Variants in RFTN1 observed in about 807,000 individuals in gnomAD.
RFTN1 encodes raftlin, lipid raft linker 1.
Under a neutral mutation model 46.5 loss-of-function variants are expected in RFTN1, and 26 were observed. The observed-to-expected ratio is 0.56, with a 90% CI of 0.41 to 0.78. The LOEUF (loss-of-function observed/expected upper bound fraction) is 0.78. RFTN1 is among the 30% of genes least tolerant of loss of function. The pLI, the probability that RFTN1 is intolerant of heterozygous loss-of-function variation, is 0.00. For synonymous variants in RFTN1, 261 were observed against 284.2 expected (o/e 0.92, Z 0.82); for missense variants, 693 against 718.7 (o/e 0.96, Z 0.41).
chr3:16,502,767 C>T (rs1178411321), intron 1 of RFTN1, among the ~76,000 whole-genome samples: 2 of 152,216 alleles, frequency 1.3e-5, no homozygotes, highest in Non-Finnish European at 2.9e-5. Flanking sequence ...CGGCCAACAT[C>T]CTCACTGCAA....
chr3:16,497,947 G>A (rs1369087608), intron 1 of RFTN1, among the ~76,000 whole-genome samples: 1 of 152,086 alleles, frequency 6.6e-6, no homozygotes, highest in Admixed American at 6.5e-5. Flanking sequence ...AAAGGGTTGG[G>A]GTGGGGATCA....
At chr3:16,331,310 A>G (rs1292191424) in intron 7 of RFTN1, among the ~76,000 whole-genome samples, 3 of 152,220 alleles carry the variant, frequency 2.0e-5, no homozygotes, top group East Asian at 3.8e-4. Flanking sequence ...TAGGTATCCT[A>G]ATTTTCTACC....
At chr3:16,331,287 T>C (rs1382628909) in intron 7 of RFTN1, among the ~76,000 whole-genome samples, 2 of 152,272 alleles carry the variant, frequency 1.3e-5, no homozygotes, top group African/African-American at 4.8e-5. Flanking sequence ...ACTCTTATTT[T>C]ACTTATCAGT....
chr3:16,373,081 A>G lies in RFTN1; in HGVS notation c.827-2802T>C, dbSNP rs551503981. Among the ~76,000 whole-genome samples, 5 of 152,362 alleles carry G rather than the reference A, an allele frequency of 3.3e-5. No homozygotes were observed. In the South Asian group the frequency reaches 8.3e-4, roughly 25 times the overall value. On this transcript the variant is annotated intron_variant, in intron 5 of 9. Transcript: ENST00000334133. ...ACACATCCTCACGTGAGCAAGCACC[A>G]AAGATTCCAAAAAGAAGCCCCACGT...
intron 4 of RFTN1, among the ~76,000 whole-genome samples, chr3:16,392,061 T>A (rs573536533): frequency 5.7e-4 from 87 of 152,158 alleles, no homozygotes; most frequent in African/African-American, 2.0e-3. Flanking sequence ...GTTTCAATAA[T>A]TGAGTATCTC....
rs1574941518 is a variant in RFTN1, at chr3:16,321,677, A to G, written c.1332+1699T>C. Among the ~76,000 whole-genome samples the G allele has an allele frequency of 3.3e-5, 5 of 152,306 alleles. No homozygotes were observed. In the East Asian group the frequency reaches 9.6e-4, roughly 29 times the overall value. ...CCACACCAGTCACCTACAGTCTTGG[A>G]ATGAGGCAGGAAATAATTAGGTACA... On this transcript the variant is annotated intron_variant, in intron 9 of 9. Coordinates refer to ENST00000334133, the MANE Select transcript of RFTN1 (RefSeq NM_015150.2). The surrounding 1 kb of genome is among the most constrained non-coding windows in gnomAD (Gnocchi z 4.8).
intron 4 of RFTN1, among the ~76,000 whole-genome samples, chr3:16,406,417 C>A (rs4685332): frequency 6.6e-6 from 1 of 152,050 alleles, no homozygotes; most frequent in Non-Finnish European, 1.5e-5. Flanking sequence ...GCAACCTCAA[C>A]ACACCTGGCT....
rs192356686 is a variant in RFTN1 at position 16,342,878 on chromosome 3, C to T, written c.1146+15054G>A. ...ACATGCAGTTCCCTAATCTCCACCC[C>T]GAAGACCCACTGACTTTGAGTCTCG... On this transcript the variant is annotated intron_variant, in intron 7 of 9. Coordinates refer to ENST00000334133, the MANE Select transcript of RFTN1 (RefSeq NM_015150.2). The surrounding 1 kb of genome is among the most constrained non-coding windows in gnomAD (Gnocchi z 4.0). Among the ~76,000 whole-genome samples, 73 of 152,266 alleles carry T rather than the reference C, an allele frequency of 4.8e-4. No individual in the cohort carries two copies. The highest frequency in any genetic ancestry group is 1.7e-3 in the African/African-American group (70 of 41,558).
At position 16,382,689 on chromosome 3, in the gene RFTN1, T is replaced by TA. The variant is rs1341259049; in HGVS notation, c.442-4588dup. ...CTGGTCTCACCAGCTGGAATCACAGTATCTTCTTCCCTGTTTCTAATCCTG... is the reference window on the plus strand; with the variant it reads ...CTGGTCTCACCAGCTGGAATCACAGTAATCTTCTTCCCTGTTTCTAATCCTG... On this transcript the variant is annotated intron_variant, in intron 4 of 9. Coordinates refer to ENST00000334133, the MANE Select transcript of RFTN1 (RefSeq NM_015150.2). The surrounding 1 kb of genome is among the most constrained non-coding windows in gnomAD (Gnocchi z 4.7). Among the ~76,000 whole-genome samples, 8 of 152,332 alleles carry TA rather than the reference T, an allele frequency of 5.3e-5. No homozygotes were observed. The highest frequency in any genetic ancestry group is 5.2e-4 in the Admixed American group (8 of 15,302).
intron 6 of RFTN1, among the ~76,000 whole-genome samples, chr3:16,358,332 T>C (rs2072596723): frequency 6.6e-6 from 1 of 152,228 alleles, no homozygotes; most frequent in Non-Finnish European, 1.5e-5. Context: ...ACCTTCCTTT[T>C]CATGCTCCAG....
At chr3:16,492,640 A>T (rs2076557274) in intron 2 of RFTN1, among the ~76,000 whole-genome samples, 1 of 152,224 alleles carries the variant, frequency 6.6e-6, no homozygotes, top group South Asian at 2.1e-4. Flanking sequence ...AGATGACTTC[A>T]TTACATAGTG....
chr3:16,499,351 A>G lies in RFTN1; in HGVS notation c.-8-5474T>C, dbSNP rs1238505125. ...AGTTCCAGTTTCTGGACCCAGCTTTAAGAAACTTGAGAGCATTTACTCCCT... is the reference window on the plus strand; with the variant it reads ...AGTTCCAGTTTCTGGACCCAGCTTTGAGAAACTTGAGAGCATTTACTCCCT... On this transcript the variant is annotated intron_variant, in intron 1 of 9. Transcript: ENST00000334133. The surrounding 1 kb of genome is among the most constrained non-coding windows in gnomAD (Gnocchi z 4.9). Among the ~76,000 whole-genome samples the G allele has an allele frequency of 6.6e-6, 1 of 152,216 alleles. No individual in the cohort carries two copies.
At position 16,341,814 on chromosome 3, in the gene RFTN1, GCATA is replaced by G. The variant is rs1007288100; in HGVS notation, c.1147-14942_1147-14939del. 7.2e-5 allele frequency among the ~76,000 whole-genome samples: 11 copies of G among 152,118 alleles called. No homozygotes were observed. The highest frequency in any genetic ancestry group is 1.5e-4 in the Non-Finnish European group (10 of 68,016). On this transcript the variant is annotated intron_variant, in intron 7 of 9. Coordinates refer to ENST00000334133, the MANE Select transcript of RFTN1 (RefSeq NM_015150.2). The surrounding 1 kb of genome is among the most constrained non-coding windows in gnomAD (Gnocchi z 4.7). ...AAGCCTAATAACAGAAACATTTTCAGCATACAGTTACATACAAAAATGTATAACA... is the reference window on the plus strand; with the variant it reads ...AAGCCTAATAACAGAAACATTTTCAGCAGTTACATACAAAAATGTATAACA...
intron 7 of RFTN1, among the ~76,000 whole-genome samples, chr3:16,330,320 G>C (rs1340690791): frequency 6.6e-6 from 1 of 152,224 alleles, no homozygotes. Context: ...TTTTCCGTAA[G>C]CATCTATCAC....
Position 16,385,212 on chromosome 3 carries a change from C to T in RFTN1, c.442-7110G>A, listed in dbSNP as rs749549233. Reference sequence around the variant, plus strand: ...TTTACAGTGAATATTTTATCAGACACACACAACCCTTCCCATCTTGTCACC... The same window carrying T: ...TTTACAGTGAATATTTTATCAGACATACACAACCCTTCCCATCTTGTCACC... On this transcript the variant is annotated intron_variant, in intron 4 of 9. Coordinates refer to ENST00000334133, the MANE Select transcript of RFTN1 (RefSeq NM_015150.2). This position sits in a 1 kb window ranked among gnomAD's most constrained non-coding sequence, Gnocchi z 5.0. Among the ~76,000 whole-genome samples the T allele has an allele frequency of 5.3e-5, 8 of 152,194 alleles. No homozygotes were observed. The highest frequency in any genetic ancestry group is 1.0e-4 in the Non-Finnish European group (7 of 68,040).
intron 6 of RFTN1, among the ~76,000 whole-genome samples, chr3:16,368,319 G>A (rs997072228): frequency 1.3e-5 from 2 of 150,044 alleles, no homozygotes; most frequent in African/African-American, 4.9e-5. Flanking sequence ...TTGTGTAGAG[G>A]GAGGTTACCC....
At chr3:16,415,598 T>C (rs1008607114) in intron 3 of RFTN1, among the ~76,000 whole-genome samples, 1 of 151,326 alleles carries the variant, frequency 6.6e-6, no homozygotes, top group African/African-American at 2.4e-5. Context: ...AAGAGAAGGG[T>C]TAAGAATTTA....
rs779136979 is a variant in RFTN1 at position 16,493,702 on chromosome 3, C to T, written c.145+23G>A. On this transcript the variant is annotated intron_variant, in intron 2 of 9. Coordinates refer to ENST00000334133, the MANE Select transcript of RFTN1 (RefSeq NM_015150.2). Reference sequence around the variant, plus strand: ...TGCTGGAGACCCCACCTGCCCCCATCCATTCCCACCCCATGTACTCACCAG... The same window carrying T: ...TGCTGGAGACCCCACCTGCCCCCATTCATTCCCACCCCATGTACTCACCAG... 4.4e-6 allele frequency: 7 copies of T among 1,577,638 alleles called. No homozygotes were observed. The South Asian group carries it at 7.8e-5, about 18-fold the overall frequency.
chr3:16,447,814 G>A lies in RFTN1; in HGVS notation c.146-13777C>T, dbSNP rs1005979222. ...AAAGATGGATTTTTAATCAGGCAAA[G>A]GAATGTACTTTCTGGACTTGCCAGT... On this transcript the variant is annotated intron_variant, in intron 2 of 9. Transcript: ENST00000334133. This position sits in a 1 kb window ranked among gnomAD's most constrained non-coding sequence, Gnocchi z 5.9. Among the ~76,000 whole-genome samples, 10 of 152,194 alleles carry A rather than the reference G, an allele frequency of 6.6e-5. No individual in the cohort carries two copies. Among genetic ancestry groups the A allele is most frequent in the Non-Finnish European group, 1.0e-4 (7 of 68,032 alleles).
Sources: gnomAD v4.1 joint callset for allele counts (sites outside exome capture counted in the v4.1 genomes callset) on GRCh38, gnomAD v4.1.1 for gene constraint, Gnocchi (gnomAD v3.1) non-coding constraint, MANE v1.5 for transcripts, NCBI Gene and HGNC (gene_info 2026-07-23, HGNC 2026-07-21) for gene names.